ATXN7L1: variants seen among roughly 807,000 people sequenced by gnomAD.
ATXN7L1 encodes the protein ataxin-7-like protein 1.
In ATXN7L1, 15 loss-of-function variants were observed where a neutral mutation model predicts 70.8. The ratio of observed to expected loss-of-function variants is 0.21; its 90% confidence interval spans 0.14 to 0.33. The LOEUF (loss-of-function observed/expected upper bound fraction) is 0.33, where lower values mean the gene tolerates loss of function less well. Ranked by LOEUF, ATXN7L1 falls within the 10% of genes least tolerant of loss-of-function variation. The probability of loss-of-function intolerance (pLI) is 1.00; values close to 1 mark genes in which losing one functional copy is unlikely to be tolerated. For synonymous variants in ATXN7L1, 440 were observed against 445.1 expected, an observed-to-expected ratio of 0.99 and a Z score of 0.14; for missense variants, 975 against 1,097.1, an observed-to-expected ratio of 0.89 and a Z score of 1.57.
chr7:105,823,094 CT>C lies in ATXN7L1; in HGVS notation c.251-34387del, dbSNP rs536360907. ...ATTAATACATCCTCTGGCCCTTTATCTTTTTTTTTTTTTATATTATTAGTTA... is the reference window on the plus strand; with the variant it reads ...ATTAATACATCCTCTGGCCCTTTATCTTTTTTTTTTTTATATTATTAGTTA... On this transcript the variant is annotated intron_variant, in intron 2 of 11. Transcript: ENST00000419735. Among the ~76,000 whole-genome samples, 621 of 142,960 alleles carry C rather than the reference CT, an allele frequency of 4.3e-3. 3 individuals carry two copies. The highest frequency in any genetic ancestry group is 0.015 in the Middle Eastern group (4 of 266). The allele number at this position is 142,960 out of a possible 152,430, so 93.8% of individuals were successfully genotyped here.
intron 3 of ATXN7L1, among the ~76,000 whole-genome samples, chr7:105,724,138 A>C (rs1795519251): frequency 6.6e-6 from 1 of 152,204 alleles, no homozygotes; most frequent in African/African-American, 2.4e-5. Flanking sequence ...TCAGGAGGCC[A>C]GACTCTGAAA....
intron 2 of ATXN7L1, among the ~76,000 whole-genome samples, chr7:105,843,030 T>C (rs913228912): frequency 2.0e-5 from 3 of 152,224 alleles, no homozygotes; most frequent in African/African-American, 7.2e-5. Flanking sequence ...AAATAAAAGA[T>C]ACGAAATCTT....
chr7:105,640,936 T>C (rs929944814), intron 5 of ATXN7L1, among the ~76,000 whole-genome samples: 9 of 152,234 alleles, frequency 5.9e-5, no homozygotes, highest in Non-Finnish European at 1.0e-4. Flanking sequence ...CTTAAGACCC[T>C]TGAATGGCTG....
chr7:105,619,648 T>A (rs546268472), intron 9 of ATXN7L1, among the ~76,000 whole-genome samples: 1 of 148,242 alleles, frequency 6.7e-6, no homozygotes, highest in South Asian at 2.2e-4. Flanking sequence ...ACTCTTGGCC[T>A]GAAGCGATCC....
At chr7:105,843,051 TC>T (rs1375948887) in intron 2 of ATXN7L1, among the ~76,000 whole-genome samples, 1 of 152,198 alleles carries the variant, frequency 6.6e-6, no homozygotes, top group Non-Finnish European at 1.5e-5. Flanking sequence ...CAGCTTTTTT[TC>T]TTAAAATGAA....
chr7:105,778,527 A>C (rs994926382), intron 3 of ATXN7L1, among the ~76,000 whole-genome samples: 8 of 135,266 alleles, frequency 5.9e-5, no homozygotes, highest in Admixed American at 7.4e-5. Context: ...AAAAAAAAAA[A>C]AAAAAAAACA....
chr7:105,706,464 G>A (rs1793180281), intron 3 of ATXN7L1, among the ~76,000 whole-genome samples: 1 of 152,068 alleles, frequency 6.6e-6, no homozygotes, highest in African/African-American at 2.4e-5. Context: ...CCAAAGTGCT[G>A]GGATTACATA....
chr7:105,685,684 C>T (rs846931), intron 3 of ATXN7L1, among the ~76,000 whole-genome samples: 27,053 of 152,158 alleles, frequency 0.18, 2,526 homozygotes, highest in East Asian at 0.3. Flanking sequence ...AGGGAACCGG[C>T]AGGTGATGAA....
At position 105,740,456 on chromosome 7, in the gene ATXN7L1, G is replaced by C. The variant is rs12540104; in HGVS notation, c.355+48148C>G. 4.8e-4 allele frequency among the ~76,000 whole-genome samples: 73 copies of C among 152,312 alleles called. 1 individual carries two copies. The highest frequency in any genetic ancestry group is 1.7e-3 in the African/African-American group (71 of 41,566). ...TTTACAGCAGTGGTTCTCAACACTAGAAATACATCAAATTGCTTGGAAAGC... is the reference window on the plus strand; with the variant it reads ...TTTACAGCAGTGGTTCTCAACACTACAAATACATCAAATTGCTTGGAAAGC... On this transcript the variant is annotated intron_variant, in intron 3 of 11. Coordinates refer to ENST00000419735, the MANE Select transcript of ATXN7L1 (RefSeq NM_020725.2).
chr7:105,848,978 G>A (rs186479295), intron 2 of ATXN7L1, among the ~76,000 whole-genome samples: 1 of 152,286 alleles, frequency 6.6e-6, no homozygotes, highest in East Asian at 1.9e-4. Flanking sequence ...TATCACCCCA[G>A]TGGATCACTT....
chr7:105,640,468 C>T (rs1798013403), intron 5 of ATXN7L1, among the ~76,000 whole-genome samples: 1 of 152,204 alleles, frequency 6.6e-6, no homozygotes, highest in South Asian at 2.1e-4. Flanking sequence ...GGGTCCTTCA[C>T]CCCTGCCAGG....
intron 2 of ATXN7L1, among the ~76,000 whole-genome samples, chr7:105,792,461 T>G (rs561509436): frequency 6.6e-6 from 1 of 152,236 alleles, no homozygotes; most frequent in South Asian, 2.1e-4. Flanking sequence ...TGCTGTTCCA[T>G]TAGAGCAATG....
chr7:105,810,068 A>G (rs1485748390), intron 2 of ATXN7L1, among the ~76,000 whole-genome samples: 1 of 152,238 alleles, frequency 6.6e-6, no homozygotes, highest in Non-Finnish European at 1.5e-5. Context: ...CACCACACCC[A>G]GCCCAGACTC....
intron 3 of ATXN7L1, among the ~76,000 whole-genome samples, chr7:105,715,870 T>C (rs1430966292): frequency 6.6e-6 from 1 of 152,196 alleles, no homozygotes; most frequent in Non-Finnish European, 1.5e-5. Flanking sequence ...CAATCCTCCA[T>C]TTCTGGGCAT....
chr7:105,876,235 G>C, intron 1 of ATXN7L1, 143 bp downstream of exon 1: 3 of 1,126,626 alleles, frequency 2.7e-6, no homozygotes, highest in Non-Finnish European at 2.5e-6. Flanking sequence ...GTCTCTGTGT[G>C]TATTTATTTA....
At chr7:105,618,615 C>T (rs772495453) in intron 9 of ATXN7L1, among the ~76,000 whole-genome samples, 14 of 152,106 alleles carry the variant, frequency 9.2e-5, no homozygotes, top group African/African-American at 3.1e-4. Context: ...GACTTCTGTT[C>T]CCTCCCGTTT....
At chr7:105,830,999 G>C (rs933221634) in intron 2 of ATXN7L1, among the ~76,000 whole-genome samples, 1 of 152,222 alleles carries the variant, frequency 6.6e-6, no homozygotes, top group Non-Finnish European at 1.5e-5. Flanking sequence ...TCATTCTGGG[G>C]GCATCTGCCC....
intron 3 of ATXN7L1, among the ~76,000 whole-genome samples, chr7:105,764,828 G>A (rs1801033194): frequency 6.6e-6 from 1 of 151,740 alleles, no homozygotes; most frequent in Admixed American, 6.6e-5. Context: ...TCTCAAAATA[G>A]TAACCTTTCT....
intron 2 of ATXN7L1, among the ~76,000 whole-genome samples, chr7:105,837,071 A>G (rs750290893): frequency 6.6e-6 from 1 of 152,032 alleles, no homozygotes; most frequent in Non-Finnish European, 1.5e-5. Flanking sequence ...AGCGCGAGAG[A>G]GTGAGTGGGT....
Sources: gnomAD v4.1 joint callset for allele counts (sites outside exome capture counted in the v4.1 genomes callset) on GRCh38, gnomAD v4.1.1 for gene constraint, MANE v1.5 for transcripts, NCBI Gene and HGNC (gene_info 2026-07-23, HGNC 2026-07-21) for gene names.